Variants in RGS7 observed in about 807,000 individuals in gnomAD.
RGS7 encodes regulator of G-protein signaling 7.
RGS7 carries 27 observed loss-of-function variants against 81.1 expected under a neutral mutation model. The ratio of observed to expected loss-of-function variants is 0.33; its 90% CI spans 0.25 to 0.46. The LOEUF is 0.46. RGS7 is among the 20% of genes least tolerant of loss of function. The pLI, the probability that RGS7 is intolerant of heterozygous loss-of-function variation, is 1.00. For missense variants in RGS7, 396 were observed against 607.4 expected, an observed-to-expected ratio of 0.65 and a Z score of 3.66; for synonymous variants, 208 against 207.7, an observed-to-expected ratio of 1.00 and a Z score of -0.01.
chr1:241,083,332 T>C (rs1242923130), intron 3 of RGS7, among the ~76,000 whole-genome samples: 2 of 151,328 alleles, frequency 1.3e-5, no homozygotes, highest in Non-Finnish European at 2.9e-5. Context: ...AGAGCCCAAG[T>C]GGTTGAGATT....
intron 2 of RGS7, among the ~76,000 whole-genome samples, chr1:241,160,110 C>CAAAAAAAAAAAAAAAAA (rs369734662): frequency 1.8e-5 from 1 of 56,158 alleles, no homozygotes; most frequent in Non-Finnish European, 3.5e-5. Context: ...GACTCCATCT[C>CAAAAAAAAAAAAAAAAA]AAAAAAAAAA....
chr1:241,021,278 C>T (rs865809865), intron 3 of RGS7, among the ~76,000 whole-genome samples: 22 of 151,544 alleles, frequency 1.5e-4, no homozygotes, highest in Middle Eastern at 6.8e-3. Flanking sequence ...AGTGCATATG[C>T]AAGGGGTGGG....
intron 3 of RGS7, among the ~76,000 whole-genome samples, chr1:241,080,703 T>C (rs1377552739): frequency 6.6e-6 from 1 of 152,228 alleles, no homozygotes; most frequent in Non-Finnish European, 1.5e-5. Context: ...TCATCTGTTG[T>C]GTATGCGTTA....
intron 2 of RGS7, among the ~76,000 whole-genome samples, chr1:241,304,844 A>G (rs951055437): frequency 2.0e-5 from 3 of 152,244 alleles, no homozygotes; most frequent in African/African-American, 7.2e-5. Context: ...ATCATGTTAA[A>G]GACCTACTTA....
intron 2 of RGS7, among the ~76,000 whole-genome samples, chr1:241,167,855 T>C (rs551953601): frequency 2.0e-5 from 3 of 152,272 alleles, no homozygotes; most frequent in South Asian, 2.1e-4. Context: ...TCTTTCCTGC[T>C]GTCAGTTACC....
intron 6 of RGS7, among the ~76,000 whole-genome samples, chr1:240,884,704 T>C (rs540679269): frequency 6.6e-6 from 1 of 152,364 alleles, no homozygotes; most frequent in South Asian, 2.1e-4. Context: ...GCTAGCCATA[T>C]GCAGAAGATT....
chr1:240,834,677 A>AT (rs547579514), intron 9 of RGS7, among the ~76,000 whole-genome samples: 94 of 151,658 alleles, frequency 6.2e-4, no homozygotes, highest in Admixed American at 2.5e-3. Flanking sequence ...CGCCCAGCTA[A>AT]TTTTTTTGTA....
chr1:240,808,595 G>A (rs774123004), intron 14 of RGS7, among the ~76,000 whole-genome samples: 1 of 152,142 alleles, frequency 6.6e-6, no homozygotes, highest in Non-Finnish European at 1.5e-5. Context: ...TCACAGCTGA[G>A]GTTTGCTCCC....
At chr1:240,976,954 ATCT>A (rs959645130) in intron 4 of RGS7, among the ~76,000 whole-genome samples, 5 of 151,340 alleles carry the variant, frequency 3.3e-5, no homozygotes, top group African/African-American at 1.2e-4. Flanking sequence ...ATATATCTAT[ATCT>A]TCTATCATCT....
At chr1:241,287,136 T>G (rs993014527) in intron 2 of RGS7, among the ~76,000 whole-genome samples, 25 of 152,214 alleles carry the variant, frequency 1.6e-4, no homozygotes, top group African/African-American at 5.5e-4. Context: ...GTCTGCCCTT[T>G]AACATAATGA....
intron 2 of RGS7, among the ~76,000 whole-genome samples, chr1:241,197,205 C>A (rs985630184): frequency 6.6e-6 from 1 of 150,972 alleles, no homozygotes; most frequent in African/African-American, 2.4e-5. Flanking sequence ...AAAGTTGAAA[C>A]TAAAAATAGA....
intron 2 of RGS7, among the ~76,000 whole-genome samples, chr1:241,192,174 G>A (rs1040490826): frequency 2.0e-5 from 3 of 146,486 alleles, no homozygotes; most frequent in Admixed American, 1.3e-4. Context: ...GTGTGTGTGT[G>A]TGTGTGTGTG....
intron 2 of RGS7, among the ~76,000 whole-genome samples, chr1:241,334,378 G>A (rs2082129156): frequency 6.6e-6 from 1 of 152,200 alleles, no homozygotes; most frequent in Admixed American, 6.5e-5. Flanking sequence ...GGAAACTCTC[G>A]GTACCACGGT....
intron 4 of RGS7, among the ~76,000 whole-genome samples, chr1:240,973,608 G>A (rs921579997): frequency 1.4e-4 from 21 of 151,338 alleles, no homozygotes; most frequent in African/African-American, 4.9e-4. Context: ...CTTTTTTTTG[G>A]AGATGGAGTC....
At chr1:241,259,715 A>C (rs2077235211) in intron 2 of RGS7, among the ~76,000 whole-genome samples, 1 of 146,788 alleles carries the variant, frequency 6.8e-6, no homozygotes, top group South Asian at 2.2e-4. Flanking sequence ...CAGCAACAAC[A>C]ATATGTTTTG....
intron 2 of RGS7, among the ~76,000 whole-genome samples, chr1:241,115,291 G>A (rs6671012): frequency 0.045 from 6,793 of 152,142 alleles, 500 homozygotes; most frequent in African/African-American, 0.16. Context: ...TGACAGAATG[G>A]TTCATGCTGA....
chr1:241,087,944 ATCTCTCTCTCTC>A (rs574047844), intron 3 of RGS7, among the ~76,000 whole-genome samples: 9 of 116,106 alleles, frequency 7.8e-5, no homozygotes, highest in African/African-American at 2.8e-4. Context: ...GCAAGACTCC[ATCTCTCTCTCTC>A]TCTCTCTCTC....
At chr1:241,302,476 G>A (rs1214410126) in intron 2 of RGS7, among the ~76,000 whole-genome samples, 1 of 152,164 alleles carries the variant, frequency 6.6e-6, no homozygotes, top group Non-Finnish European at 1.5e-5. Flanking sequence ...CTGAACCCGG[G>A]AGGCGGAGCT....
At chr1:241,114,356 A>C (rs2065741665) in intron 2 of RGS7, among the ~76,000 whole-genome samples, 1 of 152,058 alleles carries the variant, frequency 6.6e-6, no homozygotes, top group Non-Finnish European at 1.5e-5. Context: ...TCTTTTTATT[A>C]TAAAGCTTTC....
Sources: gnomAD v4.1 joint callset for allele counts (sites outside exome capture counted in the v4.1 genomes callset) on GRCh38, gnomAD v4.1.1 for gene constraint, MANE v1.5 for transcripts, NCBI Gene and HGNC (gene_info 2026-07-23, HGNC 2026-07-21) for gene names.